The following FBXW4 variants were observed in gnomAD, a reference collection of about 807,000 sequenced individuals.
The protein encoded by FBXW4 is F-box/WD repeat-containing protein 4.
A neutral mutation model predicts 61.8 loss-of-function variants in FBXW4; 40 were observed. That is an observed-to-expected ratio of 0.65 (90% confidence interval 0.50 to 0.84). The LOEUF (loss-of-function observed/expected upper bound fraction) is 0.84, where lower values mean the gene tolerates loss of function less well. FBXW4 is among the 40% of genes least tolerant of loss of function. The pLI, the probability that FBXW4 is intolerant of heterozygous loss-of-function variation, is 0.00. For synonymous variants in FBXW4, 311 were observed against 313.8 expected, an observed-to-expected ratio of 0.99 and a Z score of 0.10; for missense variants, 672 against 753.8, an observed-to-expected ratio of 0.89 and a Z score of 1.27.
intron 1 of FBXW4, among the ~76,000 whole-genome samples, chr10:101,686,490 G>C (rs1188471918): frequency 6.6e-6 from 1 of 151,160 alleles, no homozygotes; most frequent in South Asian, 2.1e-4. Flanking sequence ...GCGGATTTTT[G>C]GGGGGCAGGG....
intron 5 of FBXW4, among the ~76,000 whole-genome samples, chr10:101,641,253 AG>A (rs1276050099): frequency 6.6e-6 from 1 of 152,192 alleles, no homozygotes; most frequent in Non-Finnish European, 1.5e-5. Context: ...AGAATCTTTG[AG>A]GGGGAAAAAA....
intron 1 of FBXW4, among the ~76,000 whole-genome samples, chr10:101,680,205 A>C (rs1209444013): frequency 6.6e-6 from 1 of 152,226 alleles, no homozygotes; most frequent in African/African-American, 2.4e-5. Flanking sequence ...AATAAATTCC[A>C]AAAATATGAG....
In FBXW4 at chr10:101,616,787, C is replaced by T. The variant is rs528426771; in HGVS notation, c.1302-4310G>A. Among the ~76,000 whole-genome samples the T allele has an allele frequency of 1.8e-3, 280 of 152,368 alleles. 2 individuals carry two copies. The highest frequency in any genetic ancestry group is 6.2e-3 in the African/African-American group (256 of 41,584). On this transcript the variant is annotated intron_variant, in intron 6 of 8. Transcript: ENST00000331272. ...GTGCACATCCCTCACCTGGCACAAACTCCGTGAGTGGCAGACAGCCATGAG... is the reference window on the plus strand; with the variant it reads ...GTGCACATCCCTCACCTGGCACAAATTCCGTGAGTGGCAGACAGCCATGAG...
At chr10:101,657,878 T>C (rs2064203724) in intron 5 of FBXW4, among the ~76,000 whole-genome samples, 1 of 152,206 alleles carries the variant, frequency 6.6e-6, no homozygotes, top group Non-Finnish European at 1.5e-5. Context: ...ACACAACCTT[T>C]ATGATTCATA....
intron 1 of FBXW4, among the ~76,000 whole-genome samples, chr10:101,691,095 T>A (rs1040479874): frequency 6.6e-6 from 1 of 152,126 alleles, no homozygotes; most frequent in Non-Finnish European, 1.5e-5. Flanking sequence ...TCTGGTCAAA[T>A]CAAGTTTTGT....
intron 5 of FBXW4, among the ~76,000 whole-genome samples, chr10:101,634,585 C>A (rs2063985192): frequency 6.7e-6 from 1 of 148,444 alleles, no homozygotes; most frequent in South Asian, 2.1e-4. Context: ...AATCCAAAGC[C>A]ACACCTATCT....
intron 6 of FBXW4, among the ~76,000 whole-genome samples, chr10:101,620,707 A>T (rs1310352822): frequency 6.6e-6 from 1 of 152,120 alleles, no homozygotes; most frequent in Non-Finnish European, 1.5e-5. Context: ...CAAACTCCTG[A>T]GCTCAAGCGA....
At chr10:101,684,040 C>T (rs1406855650) in intron 1 of FBXW4, among the ~76,000 whole-genome samples, 4 of 152,270 alleles carry the variant, frequency 2.6e-5, no homozygotes, top group African/African-American at 7.2e-5. Context: ...CTGGGCTCAA[C>T]GCAACCTCCA....
chr10:101,678,510 C>G (rs2064439444), intron 1 of FBXW4, among the ~76,000 whole-genome samples: 1 of 152,226 alleles, frequency 6.6e-6, no homozygotes, highest in African/African-American at 2.4e-5. Context: ...ACTGCAAGCT[C>G]CGCCTCTCGG....
intron 5 of FBXW4, among the ~76,000 whole-genome samples, chr10:101,642,480 C>T (rs1032523200): frequency 6.6e-6 from 1 of 152,002 alleles, no homozygotes; most frequent in African/African-American, 2.4e-5. Context: ...CTATGCAGAG[C>T]CTGCCACAGT....
rs1465196836 is a variant in FBXW4 at position 101,611,133 on chromosome 10, G to A, written c.*158C>T. The A allele has an allele frequency of 3.2e-6, 3 of 925,466 alleles. No homozygotes were observed. Among genetic ancestry groups the A allele is most frequent in the South Asian group, 3.4e-5 (2 of 58,336 alleles). 57.3% of individuals were successfully genotyped at this position (925,466 alleles called of 1,614,324 possible). ...ATCTCTGGTAAGCTCCAAAGTCCCA[G>A]GAGTCAGAAGCCTCTAGTGCAAGGT... On this transcript the variant is annotated 3_prime_UTR_variant, in exon 9 of 9. Transcript: ENST00000331272. The surrounding 1 kb of genome is among the most constrained non-coding windows in gnomAD (Gnocchi z 4.9).
chr10:101,636,889 C>T (rs10786644), intron 5 of FBXW4, among the ~76,000 whole-genome samples: 25,008 of 151,928 alleles, frequency 0.16, 2,396 homozygotes, highest in Middle Eastern at 0.23. Flanking sequence ...GCACCCAGCC[C>T]AGGATTACAT....
At chr10:101,670,560 T>C (rs1452537574) in intron 4 of FBXW4, among the ~76,000 whole-genome samples, 1 of 152,244 alleles carries the variant, frequency 6.6e-6, no homozygotes, top group Admixed American at 6.5e-5. Context: ...TACTCCACAG[T>C]CCTAGCCACT....
intron 5 of FBXW4, among the ~76,000 whole-genome samples, chr10:101,652,766 C>G (rs1348315417): frequency 6.6e-6 from 1 of 152,156 alleles, no homozygotes; most frequent in African/African-American, 2.4e-5. Flanking sequence ...ATAAGCAAGG[C>G]AGAGATAAAT....
intron 5 of FBXW4, chr10:101,660,083 G>A (rs1397165834): frequency 2.0e-6 from 2 of 985,332 alleles, no homozygotes; most frequent in Admixed American, 1.2e-4. Flanking sequence ...AGGAAGGAAG[G>A]GCGGGAGGGG....
At chr10:101,629,515 C>G (rs1303357696) in intron 5 of FBXW4, among the ~76,000 whole-genome samples, 2 of 152,038 alleles carry the variant, frequency 1.3e-5, no homozygotes, top group Non-Finnish European at 2.9e-5. Context: ...AACTCCTGAC[C>G]TCAAGTGATC....
chr10:101,664,450 G>A (rs56970368), intron 5 of FBXW4, among the ~76,000 whole-genome samples: 4,008 of 152,270 alleles, frequency 0.026, 178 homozygotes, highest in African/African-American at 0.088. Flanking sequence ...TACACTGGCT[G>A]CCACATCCCC....
rs1286586330 is a variant in FBXW4, at chr10:101,611,035, C to T, written c.*256G>A. 1.0e-5 allele frequency: 4 copies of T among 384,676 alleles called. No individual in the cohort carries two copies. Among genetic ancestry groups the T allele is most frequent in the South Asian group, 3.2e-5 (1 of 31,524 alleles). The allele number at this position is 384,676 out of a possible 1,614,324, so 23.8% of individuals were successfully genotyped here. ...GATCCTTGCTCTGGCCAAACAGGGA[C>T]GCAAGGCCCGGGTTCAGCCGCACTC... On this transcript the variant is annotated 3_prime_UTR_variant, in exon 9 of 9. Coordinates refer to ENST00000331272, the MANE Select transcript of FBXW4 (RefSeq NM_022039.4). This position sits in a 1 kb window ranked among gnomAD's most constrained non-coding sequence, Gnocchi z 4.9.
chr10:101,624,307 A>G (rs984415301), intron 6 of FBXW4, among the ~76,000 whole-genome samples: 1 of 151,744 alleles, frequency 6.6e-6, no homozygotes, highest in Non-Finnish European at 1.5e-5. Context: ...AGATAATCAG[A>G]TGGGAATATG....
Sources: gnomAD v4.1 joint callset for allele counts (sites outside exome capture counted in the v4.1 genomes callset) on GRCh38, gnomAD v4.1.1 for gene constraint, Gnocchi (gnomAD v3.1) non-coding constraint, MANE v1.5 for transcripts, NCBI Gene and HGNC (gene_info 2026-07-23, HGNC 2026-07-21) for gene names.